Variants in ABCA1 observed in about 807,000 individuals in gnomAD.
ABCA1 encodes phospholipid-transporting ATPase ABCA1.
A neutral mutation model predicts 262.5 loss-of-function variants in ABCA1; 133 were observed. The observed-to-expected ratio is 0.51, with a 90% CI of 0.44 to 0.59. The LOEUF (loss-of-function observed/expected upper bound fraction) is 0.59. Ranked by LOEUF, ABCA1 falls within the 20% of genes least tolerant of loss-of-function variation. The pLI is 0.00. For missense variants in ABCA1, 2,452 were observed against 2,777.5 expected (o/e 0.88, Z 2.63); for synonymous variants, 1,022 against 1,043.5 (o/e 0.98, Z 0.40).
chr9:104,803,696 C>T (rs1220663455), intron 32 of ABCA1, among the ~76,000 whole-genome samples: 3 of 152,132 alleles, frequency 2.0e-5, no homozygotes, highest in African/African-American at 7.2e-5. Context: ...CAACCTCCGC[C>T]TCCCAGATTC....
Position 104,827,104 on chromosome 9 carries a change from C to A in ABCA1, c.2181G>T (p.Val727=), listed in dbSNP as rs748583288. 6.2e-6 allele frequency: 10 copies of A among 1,614,154 alleles called. No homozygotes were observed. Among genetic ancestry groups the A allele is most frequent in the Non-Finnish European group, 8.5e-6 (10 of 1,180,024 alleles). The change falls in exon 16 of 50, where the codon GTG becomes GTT. Residue 727 remains valine (V), a synonymous_variant. Transcript: ENST00000374736. ...TCAGGAAGCACTGCAGGATTGTCACCACAGCAAACACGGACAGGAAGACAA... is the reference window on the plus strand; with the variant it reads ...TCAGGAAGCACTGCAGGATTGTCACAACAGCAAACACGGACAGGAAGACAA... ...VVFVFLSVFA[V]VTILQCFLIS...
Position 104,796,135 on chromosome 9 carries a change from T to C in ABCA1, c.5300A>G (p.Tyr1767Cys), listed in dbSNP as rs528270977. The C allele has an allele frequency of 3.9e-5, 63 of 1,613,994 alleles. No homozygotes were observed. The highest frequency in any genetic ancestry group is 2.2e-5 in the East Asian group (1 of 44,884). Residue 1767 changes from tyrosine (Y) to cysteine (C), a missense_variant, in exon 39 of 50, where the codon TAT becomes TGT. Tyr to Cys is a radical substitution (Grantham distance 194). Coordinates refer to ENST00000374736, the MANE Select transcript of ABCA1 (RefSeq NM_005502.4). ...SFVFKIPSTA[Y>C]VVLTSVNLFI... The stretch of plus-strand genomic sequence containing the variant: ...GAGGTTCACGCTGGTGAGCACCACA[T>C]AGGCTGTGCTGGGGATCTTGAACAC...
chr9:104,802,373 C>T (rs370656128), intron 33 of ABCA1, among the ~76,000 whole-genome samples: 2 of 152,206 alleles, frequency 1.3e-5, no homozygotes, highest in African/African-American at 4.8e-5. Flanking sequence ...GAGGACCTGG[C>T]CTGATTACAC....
chr9:104,821,385 G>A lies in ABCA1; in HGVS notation c.2950C>T (p.Leu984=). 2.5e-6 allele frequency: 4 copies of A among 1,614,118 alleles called. No homozygotes were observed. The highest frequency in any genetic ancestry group is 3.4e-6 in the Non-Finnish European group (4 of 1,180,040). The part of the protein sequence containing the change: ...NLGVCPQHNV[L]FDMLTVEEHI... ...GCTGCTGGTACTCACATGTCAAACA[G>A]CACGTTATGCTGGGGACAGACCCCC... The change falls in exon 20 of 50, where the codon CTG becomes TTG. Residue 984 remains leucine, a synonymous_variant. Transcript: ENST00000374736.
At chr9:104,843,498 C>T (rs574053847) in intron 8 of ABCA1, among the ~76,000 whole-genome samples, 5 of 152,328 alleles carry the variant, frequency 3.3e-5, no homozygotes, top group African/African-American at 1.2e-4. Context: ...GGCAACAACA[C>T]AGGCTTTGGA....
Position 104,865,502 on chromosome 9 carries a change from C to A in ABCA1, c.422-3702G>T, listed in dbSNP as rs1036795977. Among the ~76,000 whole-genome samples the A allele has an allele frequency of 3.0e-5, 4 of 133,588 alleles. No individual in the cohort carries two copies. In the Admixed American group the frequency reaches 3.1e-4, roughly 10 times the overall value. 87.6% of individuals were successfully genotyped at this position (133,588 alleles called of 152,430 possible). A position where few individuals can be genotyped will look rare whatever the true frequency, so the allele number is the denominator to read the frequency against. On this transcript the variant is annotated intron_variant, in intron 5 of 49. Transcript: ENST00000374736. ...TTGCACTCCAGCCTGGGTGACAGAGCGAGACTCTGTCTCAAAAAAAAAAAA... is the reference window on the plus strand; with the variant it reads ...TTGCACTCCAGCCTGGGTGACAGAGAGAGACTCTGTCTCAAAAAAAAAAAA...
At chr9:104,920,517 T>TTTTTG (rs965253516) in intron 1 of ABCA1, among the ~76,000 whole-genome samples, 7 of 151,994 alleles carry the variant, frequency 4.6e-5, no homozygotes, top group African/African-American at 9.7e-5. Context: ...TAAAGCAAGA[T>TTTTTG]TTTTGTTTTG....
intron 2 of ABCA1, among the ~76,000 whole-genome samples, chr9:104,896,438 C>G (rs1202671528): frequency 6.6e-6 from 1 of 152,124 alleles, no homozygotes; most frequent in Non-Finnish European, 1.5e-5. Flanking sequence ...CCAAATTTCC[C>G]AAGCTAATTT....
At chr9:104,926,530 C>G (rs1826350799) in intron 1 of ABCA1, among the ~76,000 whole-genome samples, 2 of 151,882 alleles carry the variant, frequency 1.3e-5, no homozygotes, top group African/African-American at 2.4e-5. Context: ...CCGTCTGCAA[C>G]CACCGGTCTT....
Position 104,788,029 on chromosome 9 carries a change from A to G in ABCA1, c.6095T>C (p.Leu2032Pro), listed in dbSNP as rs1297382373. 1.2e-6 allele frequency: 2 copies of G among 1,614,052 alleles called. No homozygotes were observed. Among genetic ancestry groups the G allele is most frequent in the Non-Finnish European group, 8.5e-7 (1 of 1,180,032 alleles). ...GKVGEWAIRK[L>P]GLVKYGEKYA... ...TTTTTCTCCATACTTCACGAGGCCC[A>G]GTTTCCGAATCGCCCACTCACCAAC... Residue 2032 changes from leucine to proline, a missense_variant, in exon 46 of 50, where the codon CTG (leucine) becomes CCG (proline). Leu to Pro is a moderately conservative substitution (Grantham distance 98). Transcript: ENST00000374736.
At chr9:104,807,111 G>C (rs957763827) in intron 30 of ABCA1, among the ~76,000 whole-genome samples, 5 of 152,208 alleles carry the variant, frequency 3.3e-5, no homozygotes, top group African/African-American at 1.2e-4. Flanking sequence ...CTACGAAGAA[G>C]AGTAATGATA....
intron 5 of ABCA1, among the ~76,000 whole-genome samples, chr9:104,862,705 C>CAGGGCAGGGCAGGG: frequency 7.2e-5 from 1 of 13,848 alleles, no homozygotes; most frequent in Admixed American, 4.5e-4. Flanking sequence ...GGGCCGGCCC[C>CAGGGCAGGGCAGGG]CACCCCCACC....
intron 4 of ABCA1, 23 bp from the exon 5 acceptor site, chr9:104,883,180 C>A (rs371824539): frequency 1.9e-6 from 3 of 1,600,386 alleles, no homozygotes; most frequent in East Asian, 4.5e-5. Context: ...CAAGAAAAGG[C>A]GAAAGGCTTT....
Position 104,820,180 on chromosome 9 carries a change from T to C in ABCA1, c.2961-111A>G, listed in dbSNP as rs188992955. The stretch of plus-strand genomic sequence containing the variant: ...GCATATTTTTCTCTCCCCGTGCTTT[T>C]TAAAATAACTTTATCAATTTCTGAA... On this transcript the variant is annotated intron_variant, in intron 20 of 49. Transcript: ENST00000374736. 3.0e-6 allele frequency: 4 copies of C among 1,348,146 alleles called. No individual in the cohort carries two copies. In the East Asian group the frequency reaches 9.3e-5, roughly 31 times the overall value. 83.5% of individuals were successfully genotyped at this position (1,348,146 alleles called of 1,614,324 possible). A position where few individuals can be genotyped will look rare whatever the true frequency, so the allele number is the denominator to read the frequency against.
intron 37 of ABCA1, among the ~76,000 whole-genome samples, chr9:104,798,024 C>A (rs1285014693): frequency 6.6e-6 from 1 of 152,174 alleles, no homozygotes. Context: ...ATAAAATGTA[C>A]AGAGTTTTCA....
chr9:104,914,514 AAGAG>A (rs1293025645), intron 1 of ABCA1, among the ~76,000 whole-genome samples: 19 of 151,616 alleles, frequency 1.3e-4, no homozygotes, highest in African/African-American at 2.9e-4. Flanking sequence ...AAAAAAAAAA[AAGAG>A]AGAAATCTGA....
At chr9:104,847,416 C>A (rs999756638) in intron 7 of ABCA1, among the ~76,000 whole-genome samples, 2 of 152,126 alleles carry the variant, frequency 1.3e-5, no homozygotes, top group Admixed American at 6.5e-5. Flanking sequence ...GTACAAAGCC[C>A]CTCGCACAGT....
intron 19 of ABCA1, 79 bp downstream of exon 19, chr9:104,822,417 T>C: frequency 1.3e-6 from 2 of 1,578,122 alleles, no homozygotes; most frequent in Non-Finnish European, 1.7e-6. Flanking sequence ...ATCAGCATGG[T>C]TTCCTAAGGT....
At chr9:104,824,391 A>G in intron 18 of ABCA1, 74 bp downstream of exon 18, 2 of 1,603,394 alleles carry the variant, frequency 1.2e-6, no homozygotes, top group South Asian at 2.2e-5. Flanking sequence ...GGCAGGAGAC[A>G]TCGCTTGCCC....
Sources: allele counts gnomAD v4.1 joint callset (sites outside exome capture counted in the v4.1 genomes callset), GRCh38; gene constraint gnomAD v4.1.1; transcripts MANE v1.5; gene names NCBI Gene and HGNC (gene_info 2026-07-23, HGNC 2026-07-21).